Variants in DMD observed in about 807,000 individuals in gnomAD.
DMD encodes dystrophin, also known as mutant dystrophin.
In DMD, 63 loss-of-function variants were observed where a neutral mutation model predicts 330.1. The observed-to-expected ratio is 0.19, with a 90% CI of 0.16 to 0.24. The LOEUF (loss-of-function observed/expected upper bound fraction) is 0.24. DMD is among the 10% of genes least tolerant of loss of function. DMD has a pLI of 1.00. For missense variants in DMD, 3,344 were observed against 2,684.1 expected (o/e 1.25, Z -5.43); for synonymous variants, 1,223 against 959.8 (o/e 1.27, Z -5.07).
chrX:32,311,603 G>T (rs2097562781), intron 41 of DMD, among the ~76,000 whole-genome samples: 1 of 110,367 alleles, frequency 9.1e-6, no homozygotes, highest in Non-Finnish European at 1.9e-5. Context: ...TGTATATCTG[G>T]GCCAAATCCA....
chrX:31,421,914 CAT>C (rs1266640554), intron 60 of DMD, among the ~76,000 whole-genome samples: 1,689 of 64,034 alleles, frequency 0.026, 36 homozygotes, highest in Non-Finnish European at 0.034. Flanking sequence ...CACACACACA[CAT>C]ATATATATAT....
intron 7 of DMD, among the ~76,000 whole-genome samples, chrX:32,800,627 A>T (rs1258808350): frequency 4.5e-5 from 5 of 111,187 alleles, no homozygotes; most frequent in Non-Finnish European, 9.4e-5. Flanking sequence ...TTACATAGGT[A>T]TACACATGCC....
At chrX:32,229,049 CAT>C (rs72408258) in intron 43 of DMD, among the ~76,000 whole-genome samples, 1,636 of 98,631 alleles carry the variant, frequency 0.017, 23 homozygotes, top group African/African-American at 0.058. Context: ...AAGACAATAA[CAT>C]AGCTGAATAA....
At chrX:33,204,423 C>A (rs1191357915) in intron 1 of DMD, among the ~76,000 whole-genome samples, 1 of 111,594 alleles carries the variant, frequency 9.0e-6, no homozygotes, top group East Asian at 2.8e-4. Flanking sequence ...TCCCTCTTTT[C>A]TTTTGGACAA....
chrX:32,485,907 C>T (rs12834532), intron 20 of DMD, among the ~76,000 whole-genome samples: 3 of 108,247 alleles, frequency 2.8e-5, no homozygotes, highest in African/African-American at 1.0e-4. Context: ...CCGTGTCCAG[C>T]AAATTTTTTT....
At chrX:32,279,959 TGTA>T (rs2097408102) in intron 43 of DMD, among the ~76,000 whole-genome samples, 1 of 49,085 alleles carries the variant, frequency 2.0e-5, no homozygotes, top group Non-Finnish European at 4.7e-5. Flanking sequence ...CATATATATG[TGTA>T]ACCCATATAT....
chrX:32,181,754 A>T (rs963875200), intron 44 of DMD, among the ~76,000 whole-genome samples: 5 of 111,313 alleles, frequency 4.5e-5, no homozygotes, highest in African/African-American at 1.6e-4. Flanking sequence ...TATGACAAGG[A>T]AATTCCTAAA....
chrX:32,577,306 C>T (rs1042664417), intron 13 of DMD, among the ~76,000 whole-genome samples: 1 of 111,931 alleles, frequency 8.9e-6, no homozygotes, highest in Non-Finnish European at 1.9e-5. Context: ...GAACTTCTGG[C>T]CCCCAGAATG....
chrX:32,032,565 T>C (rs1354987612), intron 44 of DMD, among the ~76,000 whole-genome samples: 1 of 111,518 alleles, frequency 9.0e-6, no homozygotes, highest in Non-Finnish European at 1.9e-5. Context: ...ACTACTTGAG[T>C]GTCACTGCCT....
chrX:31,679,359 T>C lies in DMD; in HGVS notation c.7872+16A>G, dbSNP rs962602176. ...TAACCAGTATTTTATTTTAAAAAGG[T>C]ATCTTTGATACTAACCTTGGTTTCT... On this transcript the variant is annotated intron_variant, in intron 53 of 78. Transcript: ENST00000357033. The C allele has an allele frequency of 8.7e-7, 1 of 1,154,847 alleles. No individual in the cohort carries two copies. Among genetic ancestry groups the C allele is most frequent in the Non-Finnish European group, 1.2e-6 (1 of 853,567 alleles).
chrX:33,324,284 G>A (rs760040015), intron 1 of DMD, among the ~76,000 whole-genome samples: 2 of 110,796 alleles, frequency 1.8e-5, no homozygotes, highest in African/African-American at 6.6e-5. Context: ...GTGATAAAAT[G>A]AGGTTCAGTA....
chrX:32,544,280 A>AT (rs758199916), intron 17 of DMD, among the ~76,000 whole-genome samples: 3 of 111,169 alleles, frequency 2.7e-5, no homozygotes, highest in Non-Finnish European at 5.7e-5. Flanking sequence ...CTCTAGATTT[A>AT]TTTTTTTTCT....
intron 2 of DMD, among the ~76,000 whole-genome samples, chrX:32,951,965 G>T (rs2091274352): frequency 9.0e-6 from 1 of 111,027 alleles, no homozygotes; most frequent in East Asian, 2.8e-4. Context: ...ATGTAGAATA[G>T]CCTTAAGTAG....
intron 7 of DMD, among the ~76,000 whole-genome samples, chrX:32,730,375 A>T (rs936125595): frequency 2.7e-5 from 3 of 111,999 alleles, no homozygotes; most frequent in Non-Finnish European, 5.6e-5. Flanking sequence ...ATGGTGCCAT[A>T]AGTAAATGCA....
chrX:31,125,469 C>T (rs1378973886), intron 78 of DMD, among the ~76,000 whole-genome samples: 2 of 111,880 alleles, frequency 1.8e-5, no homozygotes, highest in Non-Finnish European at 3.8e-5. Context: ...TCAGTGGTCT[C>T]TCCAGTCCAT....
At chrX:31,173,067 A>G (rs1220993639) in intron 72 of DMD, among the ~76,000 whole-genome samples, 3 of 111,964 alleles carry the variant, frequency 2.7e-5, no homozygotes, top group Non-Finnish European at 3.8e-5. Flanking sequence ...AAATCATCTC[A>G]AACACAAAGA....
At chrX:31,435,191 G>A (rs1376620126) in intron 60 of DMD, among the ~76,000 whole-genome samples, 1 of 111,875 alleles carries the variant, frequency 8.9e-6, no homozygotes, top group South Asian at 3.7e-4. Flanking sequence ...AAAAGCATTA[G>A]CACATGCAAA....
chrX:32,703,147 A>T (rs116168744), intron 7 of DMD, among the ~76,000 whole-genome samples: 1,933 of 111,405 alleles, frequency 0.017, 47 homozygotes, highest in African/African-American at 0.06. Context: ...CCACGCTTCT[A>T]AAGCTATCAT....
chrX:31,901,034 T>C (rs761664207), intron 47 of DMD, among the ~76,000 whole-genome samples: 3 of 111,862 alleles, frequency 2.7e-5, no homozygotes, highest in Non-Finnish European at 5.6e-5. Context: ...TATTCTCCCA[T>C]GTAGACATAC....
Sources: allele counts gnomAD v4.1 joint callset (sites outside exome capture counted in the v4.1 genomes callset), GRCh38; gene constraint gnomAD v4.1.1; transcripts MANE v1.5; gene names NCBI Gene and HGNC (gene_info 2026-07-23, HGNC 2026-07-21).